The following KREMEN1 variants were observed in gnomAD, a reference collection of about 807,000 sequenced individuals.
KREMEN1 encodes the protein kringle containing transmembrane protein 1, also known as kremen protein 1.
Under a neutral mutation model 46.5 loss-of-function variants are expected in KREMEN1, and 30 were observed. The observed-to-expected ratio is 0.65, with a 90% confidence interval of 0.48 to 0.88. KREMEN1 has a LOEUF of 0.88. Ranked by LOEUF, KREMEN1 falls within the 40% of genes least tolerant of loss-of-function variation. The pLI is 0.00. For missense variants in KREMEN1, 533 were observed against 596.9 expected (o/e 0.89, Z 1.11); for synonymous variants, 214 against 230.6 (o/e 0.93, Z 0.65).
intron 3 of KREMEN1, among the ~76,000 whole-genome samples, chr22:29,116,908 C>T (rs995088358): frequency 1.3e-5 from 2 of 152,200 alleles, no homozygotes; most frequent in Non-Finnish European, 2.9e-5. Context: ...TGGACTCCTA[C>T]TGCATAGAGC....
chr22:29,159,137 T>TG (rs1214958878), intron 9 of KREMEN1, among the ~76,000 whole-genome samples: 2 of 148,848 alleles, frequency 1.3e-5, no homozygotes, highest in African/African-American at 5.0e-5. Context: ...TTTTTTTTTT[T>TG]TTTTTTTTTT....
Position 29,145,532 on chromosome 22 carries a change from C to T in KREMEN1, c.*3420C>T, listed in dbSNP as rs1475033231. The stretch of plus-strand genomic sequence containing the variant: ...CTCACCAGCCGATCTTGTCACTCTC[C>T]GTGGTGACAGTGTCTTGGCCAGCTG... On this transcript the variant is annotated 3_prime_UTR_variant, in exon 9 of 9. Coordinates refer to ENST00000400335, the MANE Select transcript of KREMEN1 (RefSeq NM_001039570.3). 30 of 985,432 alleles carry T rather than the reference C, an allele frequency of 3.0e-5. No individual in the cohort carries two copies. The highest frequency in any genetic ancestry group is 1.2e-4 in the Admixed American group (2 of 16,276). 61.0% of individuals were successfully genotyped at this position (985,432 alleles called of 1,614,324 possible).
At chr22:29,088,333 A>ACACG (rs1381356658) in intron 1 of KREMEN1, among the ~76,000 whole-genome samples, 2 of 139,848 alleles carry the variant, frequency 1.4e-5, no homozygotes, top group African/African-American at 5.0e-5. Flanking sequence ...ACACACACGC[A>ACACG]CACACATATT....
chr22:29,074,309 T>TG (rs1404581743), intron 1 of KREMEN1, among the ~76,000 whole-genome samples: 2 of 152,200 alleles, frequency 1.3e-5, no homozygotes, highest in Non-Finnish European at 2.9e-5. Flanking sequence ...GAAGCAGTGA[T>TG]GGGAAACTTC....
intron 2 of KREMEN1, among the ~76,000 whole-genome samples, chr22:29,098,326 T>G (rs2037915894): frequency 1.3e-5 from 2 of 152,218 alleles, no homozygotes; most frequent in African/African-American, 4.8e-5. Flanking sequence ...TTTCCACCTG[T>G]TTTTTATATT....
At chr22:29,108,610 G>A (rs939017823) in intron 3 of KREMEN1, among the ~76,000 whole-genome samples, 5 of 152,208 alleles carry the variant, frequency 3.3e-5, no homozygotes, top group Non-Finnish European at 1.5e-5. Context: ...ATGGACTACC[G>A]TTAGTATGTC....
At chr22:29,154,392 G>A (rs1189259286) in intron 9 of KREMEN1, 1 of 152,216 alleles carries the variant, frequency 6.6e-6, no homozygotes, top group Admixed American at 6.5e-5. Flanking sequence ...GCCTGCAGTG[G>A]ATTTCCTTAT....
intron 2 of KREMEN1, 138 bp from the exon 3 acceptor site, chr22:29,098,721 TGAG>T: frequency 1.6e-6 from 1 of 644,138 alleles, no homozygotes; most frequent in South Asian, 1.9e-5. Context: ...TCCCTTTTGA[TGAG>T]AGATGGCACT....
intron 5 of KREMEN1, among the ~76,000 whole-genome samples, chr22:29,126,855 A>T (rs562085254): frequency 2.0e-5 from 3 of 152,184 alleles, no homozygotes; most frequent in Non-Finnish European, 4.4e-5. Context: ...ATTCCTATAC[A>T]TCCTGTTATG....
rs2038771550 is a variant in KREMEN1, at chr22:29,142,036, C to T, written c.1301C>T (p.Thr434Ile). ...EIWSIFYKPSTSISIFKKKLK... is the reference protein window; with the variant it reads ...EIWSIFYKPSISISIFKKKLK... ...TGGAGCATTTTTTACAAGCCTTCCA[C>T]TTCAATTTCCATCTTTAAGAAGAAA... The change falls in exon 9 of 9, where the codon ACT (threonine) becomes ATT (isoleucine). Residue 434 changes from threonine to isoleucine, a missense_variant. Thr to Ile is a moderately conservative substitution (Grantham distance 89). Coordinates refer to ENST00000400335, the MANE Select transcript of KREMEN1 (RefSeq NM_001039570.3). 2 of 1,613,368 alleles carry T rather than the reference C, an allele frequency of 1.2e-6. No individual in the cohort carries two copies. The highest frequency in any genetic ancestry group is 1.7e-6 in the Non-Finnish European group (2 of 1,179,742).
intron 6 of KREMEN1, among the ~76,000 whole-genome samples, chr22:29,138,402 A>C (rs1448312666): frequency 6.6e-6 from 1 of 152,212 alleles, no homozygotes; most frequent in Admixed American, 6.5e-5. Context: ...CTGAGATGAG[A>C]CTAGCCACAT....
rs762253284 is a variant in KREMEN1 at position 29,145,690 on chromosome 22, C to T, written c.*3578C>T. 1.2e-4 allele frequency: 123 copies of T among 985,366 alleles called. 1 individual carries two copies. The highest frequency in any genetic ancestry group is 1.5e-4 in the Non-Finnish European group (122 of 829,980). The allele number at this position is 985,366 out of a possible 1,614,324, so 61.0% of individuals were successfully genotyped here. A position where few individuals can be genotyped will look rare whatever the true frequency, so the allele number is the denominator to read the frequency against. Reference sequence around the variant, plus strand: ...AGCAGAGAATGAGTAGGAGTGAACCCGAGTGACTTCACCCGCCCTGTCCCC... The same window carrying T: ...AGCAGAGAATGAGTAGGAGTGAACCTGAGTGACTTCACCCGCCCTGTCCCC... On this transcript the variant is annotated 3_prime_UTR_variant, in exon 9 of 9. Coordinates refer to ENST00000400335, the MANE Select transcript of KREMEN1 (RefSeq NM_001039570.3).
rs2145860513 is a variant in KREMEN1 at position 29,145,286 on chromosome 22, T to C, written c.*3174T>C. On this transcript the variant is annotated 3_prime_UTR_variant, in exon 9 of 9. Transcript: ENST00000400335. ...GGAGGTGGCGAAAAGAGGGTAACCC[T>C]GGGAAAGTCAGTCAGAACCCATGGC... The C allele has an allele frequency of 2.0e-6, 2 of 985,582 alleles. No individual in the cohort carries two copies. Among genetic ancestry groups the C allele is most frequent in the South Asian group, 4.7e-5 (1 of 21,280 alleles). The allele number at this position is 985,582 out of a possible 1,614,324, so 61.1% of individuals were successfully genotyped here. A position where few individuals can be genotyped will look rare whatever the true frequency, so the allele number is the denominator to read the frequency against.
chr22:29,143,488 A>G lies in KREMEN1; in HGVS notation c.*1376A>G. 1.0e-6 allele frequency: 1 copy of G among 982,504 alleles called. No homozygotes were observed. The highest frequency in any genetic ancestry group is 1.2e-6 in the Non-Finnish European group (1 of 827,328). 60.9% of individuals were successfully genotyped at this position (982,504 alleles called of 1,614,324 possible). ...CCGGGCGCGGTGGCTCATGCCTGTAATCCCAGCACTTTGGGAGGCTGAGGC... is the reference window on the plus strand; with the variant it reads ...CCGGGCGCGGTGGCTCATGCCTGTAGTCCCAGCACTTTGGGAGGCTGAGGC... On this transcript the variant is annotated 3_prime_UTR_variant, in exon 9 of 9. Transcript: ENST00000400335.
At chr22:29,150,383 G>A (rs2038906062), downstream of KREMEN1, among the ~76,000 whole-genome samples, 1 of 152,206 alleles carries the variant, frequency 6.6e-6, no homozygotes, top group Non-Finnish European at 1.5e-5. Flanking sequence ...GGGGAAAAGG[G>A]GCTCCACAAG....
At chr22:29,120,048 A>AAGGAAACAGGGAGGAGGGAGAGG (rs2145809645) in intron 3 of KREMEN1, among the ~76,000 whole-genome samples, 9 of 137,802 alleles carry the variant, frequency 6.5e-5, no homozygotes, top group African/African-American at 8.3e-5. Context: ...AGAGGTGATG[A>AAGGAAACAGGGAGGAGGGAGAGG]TGGAAACAGG....
chr22:29,083,810 C>T (rs535963449), intron 1 of KREMEN1, among the ~76,000 whole-genome samples: 6 of 151,086 alleles, frequency 4.0e-5, no homozygotes, highest in Admixed American at 2.0e-4. Context: ...CCAGCTTGGG[C>T]GACAGAGTGA....
chr22:29,126,694 G>T (rs2038449901), intron 5 of KREMEN1, among the ~76,000 whole-genome samples: 1 of 152,214 alleles, frequency 6.6e-6, no homozygotes, highest in Non-Finnish European at 1.5e-5. Context: ...ATAAAACCCA[G>T]CCAAGGTTTA....
rs374673368 is a variant in KREMEN1, at chr22:29,105,304, C to A, written c.352+6351C>A. ...TCTTATCAGTATGTCTAGAACAGAC[C>A]CGTTACATTTTTAACAAGGTTCTGG... On this transcript the variant is annotated intron_variant, in intron 3 of 8. Transcript: ENST00000400335. Among the ~76,000 whole-genome samples the A allele has an allele frequency of 1.4e-4, 22 of 151,982 alleles. No homozygotes were observed. The East Asian group carries it at 4.3e-3, about 29-fold the overall frequency.
Sources: gnomAD v4.1 joint callset for allele counts (sites outside exome capture counted in the v4.1 genomes callset) on GRCh38, gnomAD v4.1.1 for gene constraint, MANE v1.5 for transcripts, NCBI Gene and HGNC (gene_info 2026-07-23, HGNC 2026-07-21) for gene names.